Variants in DOCK4 observed in about 807,000 individuals in gnomAD.
DOCK4 encodes the protein dedicator of cytokinesis 4.
DOCK4 carries 97 observed loss-of-function variants against 268.1 expected under a neutral mutation model. The observed-to-expected ratio is 0.36, with a 90% confidence interval of 0.31 to 0.43. DOCK4 has a LOEUF of 0.43. Among genes scored for constraint, DOCK4 ranks in the 20% least tolerant of loss-of-function variants. The pLI, the probability that DOCK4 is intolerant of heterozygous loss-of-function variation, is 1.00. For synonymous variants in DOCK4, 954 were observed against 887.2 expected, an observed-to-expected ratio of 1.08 and a Z score of -1.34; for missense variants, 2,145 against 2,455.7, an observed-to-expected ratio of 0.87 and a Z score of 2.67.
At chr7:112,054,617 A>G (rs1446629245) in intron 1 of DOCK4, among the ~76,000 whole-genome samples, 2 of 152,180 alleles carry the variant, frequency 1.3e-5, no homozygotes, top group East Asian at 3.8e-4. Context: ...TGTATTTTTC[A>G]GTTCTTGTAG....
intron 32 of DOCK4, among the ~76,000 whole-genome samples, chr7:111,787,878 A>G (rs1313186349): frequency 6.6e-6 from 1 of 152,260 alleles, no homozygotes; most frequent in East Asian, 1.9e-4. Flanking sequence ...AATACTTTGC[A>G]CATATGTTAG....
chr7:111,875,257 T>C (rs1806759032), intron 17 of DOCK4, among the ~76,000 whole-genome samples: 1 of 152,226 alleles, frequency 6.6e-6, no homozygotes, highest in South Asian at 2.1e-4. Flanking sequence ...AATTATTTCA[T>C]AAGTTGTTTT....
At chr7:111,974,145 G>T (rs998430348) in intron 8 of DOCK4, among the ~76,000 whole-genome samples, 1 of 152,102 alleles carries the variant, frequency 6.6e-6, no homozygotes, top group Non-Finnish European at 1.5e-5. Flanking sequence ...CTTCAGATCT[G>T]TGCATCCTAA....
At chr7:112,176,365 C>T (rs940296288) in intron 1 of DOCK4, among the ~76,000 whole-genome samples, 14 of 152,164 alleles carry the variant, frequency 9.2e-5, no homozygotes, top group Non-Finnish European at 1.9e-4. Flanking sequence ...GTCCATGAAC[C>T]CGTCTACAGG....
At chr7:111,999,293 T>G (rs1318844242) in intron 3 of DOCK4, among the ~76,000 whole-genome samples, 1 of 152,132 alleles carries the variant, frequency 6.6e-6, no homozygotes, top group African/African-American at 2.4e-5. Flanking sequence ...CCATTGTGGA[T>G]CCAAGTATAA....
chr7:112,120,566 A>G (rs1484267339), intron 1 of DOCK4, among the ~76,000 whole-genome samples: 1 of 152,208 alleles, frequency 6.6e-6, no homozygotes, highest in East Asian at 1.9e-4. Context: ...AATTTTGGGG[A>G]CACATCTGAA....
chr7:111,822,309 C>G, intron 27 of DOCK4, 53 bp downstream of exon 27: 1 of 1,445,050 alleles, frequency 6.9e-7, no homozygotes, highest in Non-Finnish European at 9.5e-7. Context: ...ATTTTGTACT[C>G]CCTTCTTCCT....
At chr7:111,824,216 CTG>C (rs1802224847) in intron 26 of DOCK4, among the ~76,000 whole-genome samples, 1 of 152,134 alleles carries the variant, frequency 6.6e-6, no homozygotes, top group African/African-American at 2.4e-5. Flanking sequence ...CTTACTAAAA[CTG>C]TGAGAAGCCC....
intron 12 of DOCK4, among the ~76,000 whole-genome samples, chr7:111,930,721 C>T (rs1794131533): frequency 1.3e-5 from 2 of 152,174 alleles, no homozygotes; most frequent in South Asian, 4.1e-4. Context: ...TTGCTTCCCC[C>T]ACTATCTTGA....
chr7:111,936,488 G>GAAT (rs1272812690), intron 11 of DOCK4, among the ~76,000 whole-genome samples: 4 of 86,312 alleles, frequency 4.6e-5, no homozygotes, highest in African/African-American at 3.3e-4. Flanking sequence ...TGGTATGAAT[G>GAAT]GATGGATGGA....
rs945386392 is a variant in DOCK4, at chr7:112,206,215, C to A, written c.-77G>T. 8 of 1,480,108 alleles carry A rather than the reference C, an allele frequency of 5.4e-6. No individual in the cohort carries two copies. Among genetic ancestry groups the A allele is most frequent in the Non-Finnish European group, 7.4e-6 (8 of 1,083,196 alleles). The allele number at this position is 1,480,108 out of a possible 1,614,324, so 91.7% of individuals were successfully genotyped here. On this transcript the variant is annotated 5_prime_UTR_variant, in exon 1 of 53. Coordinates refer to ENST00000428084, the MANE Select transcript of DOCK4 (RefSeq NM_001363540.2). ...CCGGCTCACAACAATGCACAGTCCCCGAGCAGCGCTGCAGTGCCGGAGCCC... is the reference window on the plus strand; with the variant it reads ...CCGGCTCACAACAATGCACAGTCCCAGAGCAGCGCTGCAGTGCCGGAGCCC...
intron 1 of DOCK4, among the ~76,000 whole-genome samples, chr7:112,124,652 A>G (rs1813052235): frequency 6.6e-6 from 1 of 152,236 alleles, no homozygotes; most frequent in Admixed American, 6.5e-5. Context: ...AATGGGAATA[A>G]CATAATTAAC....
intron 1 of DOCK4, among the ~76,000 whole-genome samples, chr7:112,145,669 A>C (rs59402620): frequency 0.019 from 2,927 of 152,066 alleles, 85 homozygotes; most frequent in African/African-American, 0.066. Flanking sequence ...CCAAATTTCA[A>C]CCTCCCTCTA....
chr7:111,844,911 AAAT>A lies in DOCK4; in HGVS notation c.2602-17_2602-15del, dbSNP rs2134081750. 1 of 1,602,970 alleles carries A rather than the reference AAAT, an allele frequency of 6.2e-7. No homozygotes were observed. The highest frequency in any genetic ancestry group is 1.7e-4 in the Middle Eastern group (1 of 5,872). On this transcript the variant is annotated splice_polypyrimidine_tract_variant and intron_variant, in intron 24 of 52. Coordinates refer to ENST00000428084, the MANE Select transcript of DOCK4 (RefSeq NM_001363540.2). The stretch of plus-strand genomic sequence containing the variant: ...CACAGATTTTTCCTTAAGAGAAAAA[AAAT>A]AATATGTTCAGGAAACTGGGGTTTA...
chr7:111,912,734 G>C (rs537627510), intron 13 of DOCK4, among the ~76,000 whole-genome samples: 1 of 152,110 alleles, frequency 6.6e-6, no homozygotes, highest in South Asian at 2.1e-4. Context: ...GAAATAGATA[G>C]GTATAGACAG....
chr7:111,826,197 A>G (rs146277263), intron 26 of DOCK4, among the ~76,000 whole-genome samples: 1 of 152,350 alleles, frequency 6.6e-6, no homozygotes, highest in African/African-American at 2.4e-5. Flanking sequence ...TTCCACACAG[A>G]GGGAACAACA....
intron 31 of DOCK4, 53 bp from the exon 32 acceptor site, chr7:111,788,800 C>T (rs1295592730): frequency 6.9e-7 from 1 of 1,444,060 alleles, no homozygotes; most frequent in African/African-American, 1.4e-5. Flanking sequence ...AGTAGGATTT[C>T]TAGGCAAGTT....
rs555028725 is a variant in DOCK4 at position 111,864,663 on chromosome 7, A to G, written c.2281-1099T>C. Reference sequence around the variant, plus strand: ...GCGCCATCAAAATACTCCAGATGCTATAAGTCAACAGCAATGGCCCTTGGC... The same window carrying G: ...GCGCCATCAAAATACTCCAGATGCTGTAAGTCAACAGCAATGGCCCTTGGC... On this transcript the variant is annotated intron_variant, in intron 22 of 52. Transcript: ENST00000428084. 3.6e-4 allele frequency among the ~76,000 whole-genome samples: 55 copies of G among 152,348 alleles called. No individual in the cohort carries two copies. In the South Asian group the frequency reaches 4.8e-3, roughly 13 times the overall value.
intron 44 of DOCK4, among the ~76,000 whole-genome samples, chr7:111,745,722 G>A (rs1353398346): frequency 7.7e-6 from 1 of 129,036 alleles, no homozygotes; most frequent in Admixed American, 8.1e-5. Context: ...TTGGCATCAA[G>A]CCTACAGCAA....
Sources: gnomAD v4.1 joint callset for allele counts (sites outside exome capture counted in the v4.1 genomes callset) on GRCh38, gnomAD v4.1.1 for gene constraint, MANE v1.5 for transcripts, NCBI Gene and HGNC (gene_info 2026-07-23, HGNC 2026-07-21) for gene names.